NXN: variants seen among roughly 807,000 people sequenced by gnomAD.
NXN encodes nucleoredoxin.
NXN carries 16 observed loss-of-function variants against 48.6 expected under a neutral mutation model. The ratio of observed to expected loss-of-function variants is 0.33; its 90% CI spans 0.22 to 0.50. The LOEUF (loss-of-function observed/expected upper bound fraction) is 0.50. Ranked by LOEUF, NXN falls within the 20% of genes least tolerant of loss-of-function variation. The pLI is 0.98. For synonymous variants in NXN, 281 were observed against 269.6 expected, an observed-to-expected ratio of 1.04 and a Z score of -0.41; for missense variants, 492 against 605.5, an observed-to-expected ratio of 0.81 and a Z score of 1.97.
At chr17:977,089 G>A (rs974414786) in intron 1 of NXN, among the ~76,000 whole-genome samples, 5 of 152,106 alleles carry the variant, frequency 3.3e-5, no homozygotes, top group South Asian at 2.1e-4. Flanking sequence ...AAATCAGCAC[G>A]TAGCTTTTGT....
rs954290687 is a variant in NXN, at chr17:964,490, T to C, written c.360+14829A>G. ...TCACGTGGTATTAAGTAGCATTTTA[T>C]TCTTAAGAACATTTGTAAAAAGCTT... On this transcript the variant is annotated intron_variant, in intron 1 of 7. Transcript: ENST00000336868. 4.6e-5 allele frequency among the ~76,000 whole-genome samples: 7 copies of C among 152,374 alleles called. No homozygotes were observed. In the East Asian group the frequency reaches 1.2e-3, roughly 25 times the overall value.
intron 1 of NXN, among the ~76,000 whole-genome samples, chr17:921,525 C>T (rs1353724495): frequency 1.3e-5 from 2 of 152,172 alleles, no homozygotes; most frequent in Non-Finnish European, 2.9e-5. Context: ...TCTGCCTGCC[C>T]CTGAATGCTG....
intron 1 of NXN, among the ~76,000 whole-genome samples, chr17:961,572 C>A (rs375785675): frequency 6.6e-6 from 1 of 152,122 alleles, no homozygotes; most frequent in African/African-American, 2.4e-5. Flanking sequence ...TTGTCCTAAC[C>A]TACAGGATGT....
intron 1 of NXN, among the ~76,000 whole-genome samples, chr17:892,964 A>G (rs925602806): frequency 1.3e-5 from 2 of 152,238 alleles, no homozygotes; most frequent in Non-Finnish European, 2.9e-5. Flanking sequence ...CAGCAGGAAT[A>G]CCTGGAGGGC....
At chr17:803,640 C>T in intron 7 of NXN, 42 bp downstream of exon 7, 1 of 1,613,168 alleles carries the variant, frequency 6.2e-7, no homozygotes, top group East Asian at 2.2e-5. Context: ...CCAGAAGTCC[C>T]AGCTGAGCCA....
chr17:805,284 G>A, intron 5 of NXN, 37 bp from the exon 6 acceptor site: 2 of 1,579,084 alleles, frequency 1.3e-6, no homozygotes, highest in Non-Finnish European at 1.7e-6. Context: ...GCTGGCCCGG[G>A]AGATGCTGGC....
intron 1 of NXN, among the ~76,000 whole-genome samples, chr17:829,953 GA>G (rs1315665702): frequency 6.6e-6 from 1 of 152,174 alleles, no homozygotes; most frequent in Non-Finnish European, 1.5e-5. Context: ...TGTCTTTACA[GA>G]AGAATGATTT....
chr17:883,356 C>A lies in NXN; in HGVS notation c.361-57278G>T, dbSNP rs190379679. Among the ~76,000 whole-genome samples, 94 of 152,282 alleles carry A rather than the reference C, an allele frequency of 6.2e-4. 1 individual carries two copies. The highest frequency in any genetic ancestry group is 3.4e-3 in the Middle Eastern group (1 of 294). On this transcript the variant is annotated intron_variant, in intron 1 of 7. Transcript: ENST00000336868. ...GGCCTCTCTTCCTCCCACCCCTGCC[C>A]CCCGCCCAGAACTCCCAGCAGAAGC...
intron 1 of NXN, among the ~76,000 whole-genome samples, chr17:828,506 A>G (rs1913265238): frequency 6.7e-6 from 1 of 148,538 alleles, no homozygotes; most frequent in South Asian, 2.1e-4. Context: ...GGTTCAAGCG[A>G]TTCTCTTGCC....
chr17:912,082 C>A (rs767978309), intron 1 of NXN, among the ~76,000 whole-genome samples: 6 of 151,900 alleles, frequency 3.9e-5, no homozygotes, highest in Non-Finnish European at 7.4e-5. Context: ...GGATTACAGG[C>A]GCCCGCTACC....
rs371441336 is a variant in NXN at position 917,765 on chromosome 17, C to T, written c.360+61554G>A. Among the ~76,000 whole-genome samples, 43 of 152,234 alleles carry T rather than the reference C, an allele frequency of 2.8e-4. 1 individual carries two copies. Among genetic ancestry groups the T allele is most frequent in the African/African-American group, 8.4e-4 (35 of 41,554 alleles). On this transcript the variant is annotated intron_variant, in intron 1 of 7. Coordinates refer to ENST00000336868, the MANE Select transcript of NXN (RefSeq NM_022463.5). This position sits in a 1 kb window ranked among gnomAD's most constrained non-coding sequence, Gnocchi z 4.5. The stretch of plus-strand genomic sequence containing the variant: ...GGCGCGTACTGGCACAACAGGCGGG[C>T]GTGGCTCTCGCTCCCCAGGAAGGCC...
chr17:816,105 C>T (rs1207054557), intron 5 of NXN, among the ~76,000 whole-genome samples: 6 of 152,160 alleles, frequency 3.9e-5, no homozygotes, highest in Admixed American at 6.6e-5. Context: ...CTGGGCCCTA[C>T]GTAGCTGACT....
intron 1 of NXN, among the ~76,000 whole-genome samples, chr17:937,908 CAGCCACG>C (rs1430116962): frequency 6.6e-6 from 1 of 152,238 alleles, no homozygotes; most frequent in Non-Finnish European, 1.5e-5. Context: ...CAGCGCTCAG[CAGCCACG>C]AGGGAAGAAA....
chr17:940,042 T>C (rs2068953608), intron 1 of NXN, among the ~76,000 whole-genome samples: 1 of 152,046 alleles, frequency 6.6e-6, no homozygotes, highest in East Asian at 1.9e-4. Flanking sequence ...CAAGTGATCC[T>C]CCCACCTCAG....
chr17:863,960 C>G (rs1455396059), intron 1 of NXN: 4 of 1,534,114 alleles, frequency 2.6e-6, no homozygotes, highest in Non-Finnish European at 3.5e-6. Flanking sequence ...TGCCTGGGAA[C>G]TGAGTGAGGA....
At chr17:823,286 C>T (rs1318589961) in intron 3 of NXN, among the ~76,000 whole-genome samples, 1 of 151,798 alleles carries the variant, frequency 6.6e-6, no homozygotes, top group East Asian at 1.9e-4. Context: ...GTAATCCCAG[C>T]TACTCTGGAG....
At chr17:923,267 A>G (rs56672662) in intron 1 of NXN, among the ~76,000 whole-genome samples, 18,365 of 152,058 alleles carry the variant, frequency 0.12, 1,481 homozygotes, top group African/African-American at 0.22. Flanking sequence ...GTTTACATCC[A>G]CCTGGGTGCC....
rs990962402 is a variant in NXN at position 799,619 on chromosome 17, G to C, written c.*1330C>G. 2 of 152,272 alleles carry C rather than the reference G, an allele frequency of 1.3e-5. No homozygotes were observed. The highest frequency in any genetic ancestry group is 6.5e-5 in the Admixed American group (1 of 15,280). 9.4% of individuals were successfully genotyped at this position (152,272 alleles called of 1,614,324 possible). ...CCGTCCATCCCCAATCCTGAGAACA[G>C]AGTTGTCTGTTTCTCTTTCGGGGGT... On this transcript the variant is annotated 3_prime_UTR_variant, in exon 8 of 8. Transcript: ENST00000336868.
intron 5 of NXN, among the ~76,000 whole-genome samples, chr17:805,688 A>G (rs1911454294): frequency 6.6e-6 from 1 of 151,890 alleles, no homozygotes; most frequent in Non-Finnish European, 1.5e-5. Flanking sequence ...AAATACAAAA[A>G]CTAGCTGGGC....
Sources: gnomAD v4.1 joint callset for allele counts (sites outside exome capture counted in the v4.1 genomes callset) on GRCh38, gnomAD v4.1.1 for gene constraint, Gnocchi (gnomAD v3.1) non-coding constraint, MANE v1.5 for transcripts, NCBI Gene and HGNC (gene_info 2026-07-23, HGNC 2026-07-21) for gene names.